Variants in ANKRD26 observed in about 807,000 individuals in gnomAD.
The protein encoded by ANKRD26 is ankyrin repeat domain-containing protein 26.
Under a neutral mutation model 208.7 loss-of-function variants are expected in ANKRD26, and 141 were observed. The observed-to-expected ratio is 0.68, with a 90% CI of 0.59 to 0.78. The LOEUF is 0.78. ANKRD26 is among the 30% of genes least tolerant of loss of function. The probability of loss-of-function intolerance (pLI) is 0.00; values close to 1 mark genes in which losing one functional copy is unlikely to be tolerated. For missense variants in ANKRD26, 1,889 were observed against 1,938.7 expected, an observed-to-expected ratio of 0.97 and a Z score of 0.48; for synonymous variants, 636 against 660.4, an observed-to-expected ratio of 0.96 and a Z score of 0.57.
chr10:27,028,727 T>TA (rs902086199), intron 27 of ANKRD26, 125 bp downstream of exon 27: 344 of 773,742 alleles, frequency 4.4e-4, no homozygotes, highest in Non-Finnish European at 5.3e-4. Context: ...TATTCCAAAA[T>TA]AAAAAAAAAT....
rs557203942 is a variant in ANKRD26 at position 27,043,305 on chromosome 10, G to A, written c.2161+121C>T. 1.3e-4 allele frequency: 142 copies of A among 1,071,080 alleles called. 1 individual carries two copies. In the African/African-American group the frequency reaches 1.9e-3, roughly 14 times the overall value. The allele number at this position is 1,071,080 out of a possible 1,614,324, so 66.3% of individuals were successfully genotyped here. A position where few individuals can be genotyped will look rare whatever the true frequency, so the allele number is the denominator to read the frequency against. ...AAGAACTCTTCAGCTTTGCACAGTG[G>A]CAGCATCATAGCCACCAATGAAGCA... On this transcript the variant is annotated intron_variant, in intron 20 of 33. Coordinates refer to ENST00000376087, the MANE Select transcript of ANKRD26 (RefSeq NM_014915.3).
chr10:27,040,832 C>T (rs1199077254), intron 20 of ANKRD26, among the ~76,000 whole-genome samples: 2 of 151,930 alleles, frequency 1.3e-5, no homozygotes, highest in Admixed American at 1.3e-4. Flanking sequence ...GAGTTCGAGA[C>T]CAGTCTGGCC....
chr10:27,097,278 A>C (rs945638835), intron 1 of ANKRD26, among the ~76,000 whole-genome samples: 1 of 150,652 alleles, frequency 6.6e-6, no homozygotes, highest in Non-Finnish European at 1.5e-5. Context: ...GATCGAGACC[A>C]CCCTGGCTAA....
chr10:27,078,973 A>G lies in ANKRD26; in HGVS notation c.813+116T>C, dbSNP rs1200849499. 7 of 764,608 alleles carry G rather than the reference A, an allele frequency of 9.2e-6. No individual in the cohort carries two copies. In the Admixed American group the frequency reaches 1.7e-4, roughly 18 times the overall value. The allele number at this position is 764,608 out of a possible 1,614,324, so 47.4% of individuals were successfully genotyped here. A position where few individuals can be genotyped will look rare whatever the true frequency, so the allele number is the denominator to read the frequency against. ...TTCTATAAAATGGCTTCCCCTGACC[A>G]CCTTTCCATTACAAACAGAAAACAA... On this transcript the variant is annotated intron_variant, in intron 7 of 33. Coordinates refer to ENST00000376087, the MANE Select transcript of ANKRD26 (RefSeq NM_014915.3).
At chr10:27,028,362 C>T (rs12252613) in intron 27 of ANKRD26, among the ~76,000 whole-genome samples, 14,428 of 151,684 alleles carry the variant, frequency 0.095, 2,217 homozygotes, top group African/African-American at 0.33. Flanking sequence ...TTTGGGAGGC[C>T]GAGGCGGGCG....
intron 4 of ANKRD26, 37 bp from the exon 5 acceptor site, chr10:27,086,646 C>T (rs779672134): frequency 3.8e-6 from 6 of 1,569,744 alleles, no homozygotes; most frequent in Non-Finnish European, 3.5e-6. Context: ...TATGTTAATA[C>T]TGATACAAAA....
Position 27,100,469 on chromosome 10 carries a change from A to C in ANKRD26, c.-143T>G. The C allele has an allele frequency of 7.9e-7, 1 of 1,269,210 alleles. No individual in the cohort carries two copies. The highest frequency in any genetic ancestry group is 1.1e-6 in the Non-Finnish European group (1 of 936,486). 78.6% of individuals were successfully genotyped at this position (1,269,210 alleles called of 1,614,324 possible). A position where few individuals can be genotyped will look rare whatever the true frequency, so the allele number is the denominator to read the frequency against. On this transcript the variant is annotated 5_prime_UTR_variant, in exon 1 of 34. Coordinates refer to ENST00000376087, the MANE Select transcript of ANKRD26 (RefSeq NM_014915.3). ...GGTTTCCAATCTCTCCCTCCGGGTTACCAAGCAAGCGATCCCGCTAGACAC... is the reference window on the plus strand; with the variant it reads ...GGTTTCCAATCTCTCCCTCCGGGTTCCCAAGCAAGCGATCCCGCTAGACAC...
chr10:27,078,596 C>T (rs1425018040), intron 7 of ANKRD26, among the ~76,000 whole-genome samples: 2 of 152,080 alleles, frequency 1.3e-5, no homozygotes, highest in African/African-American at 4.8e-5. Flanking sequence ...TTAGTATTTA[C>T]AACCAGTTTT....
the ANKRD26 span, among the ~76,000 whole-genome samples, chr10:26,960,020 G>A: frequency 6.6e-6 from 1 of 152,092 alleles, no homozygotes; most frequent in Non-Finnish European, 1.5e-5. Flanking sequence ...GAGTTAGCTG[G>A]AAGTGGAAGC....
downstream of ANKRD26, among the ~76,000 whole-genome samples, chr10:26,971,336 T>A (rs1196134658): frequency 6.6e-6 from 1 of 151,486 alleles, no homozygotes; most frequent in African/African-American, 2.4e-5. Flanking sequence ...TGAGCCGAGA[T>A]TGCTCCATTG....
chr10:27,053,887 G>A (rs539129459), intron 15 of ANKRD26, among the ~76,000 whole-genome samples: 1 of 152,270 alleles, frequency 6.6e-6, no homozygotes, highest in East Asian at 1.9e-4. Context: ...TTTTTAACAA[G>A]GCACAAAGAG....
chr10:27,018,411 G>A (rs1416734438), intron 29 of ANKRD26, among the ~76,000 whole-genome samples: 1 of 151,706 alleles, frequency 6.6e-6, no homozygotes, highest in Non-Finnish European at 1.5e-5. Flanking sequence ...TGGGATTACA[G>A]GTGTGAGCCA....
At position 27,035,581 on chromosome 10, in the gene ANKRD26, G is replaced by C. The variant is rs756431624; in HGVS notation, c.2869C>G (p.Gln957Glu). The C allele has an allele frequency of 8.1e-6, 13 of 1,611,962 alleles. 1 individual carries two copies. In the African/African-American group the frequency reaches 1.3e-4, roughly 17 times the overall value. The change falls in exon 24 of 34, where the codon CAG becomes GAG. Residue 957 changes from glutamine to glutamate, a missense_variant. Coordinates refer to ENST00000376087, the MANE Select transcript of ANKRD26 (RefSeq NM_014915.3). ...TCCTCATTCTGTTTTATAGTCTTCT[G>C]AAGGTCTTCATTCTTTTCTTTTACA... Reference protein sequence around the residue: ...KIVKEKNEDLQKTIKQNEETL... With the variant: ...KIVKEKNEDLEKTIKQNEETL...
At chr10:26,998,526 A>G (rs117298992) in intron 4 of ANKRD26, among the ~76,000 whole-genome samples, 2,894 of 152,360 alleles carry the variant, frequency 0.019, 38 homozygotes, top group Non-Finnish European at 0.029. Context: ...TATGTGTACC[A>G]GCTGGTAAAG....
At chr10:26,956,148 G>T in the ANKRD26 span, among the ~76,000 whole-genome samples, 3 of 152,100 alleles carry the variant, frequency 2.0e-5, no homozygotes, top group African/African-American at 7.2e-5. Context: ...AAGAAAATGA[G>T]TTAAATTGTT....
chr10:26,979,810 A>G (rs369443923), intron 5 of ANKRD26, among the ~76,000 whole-genome samples: 1 of 152,164 alleles, frequency 6.6e-6, no homozygotes, highest in East Asian at 1.9e-4. Flanking sequence ...TTGGTCTTTT[A>G]CAATAGTAAC....
intron 6 of ANKRD26, among the ~76,000 whole-genome samples, chr10:27,081,663 T>G (rs2055908515): frequency 6.6e-6 from 1 of 151,998 alleles, no homozygotes; most frequent in Non-Finnish European, 1.5e-5. Flanking sequence ...AATACTTAGC[T>G]GGCAGAAATG....
chr10:26,986,854 T>C (rs1394430442), intron 3 of ANKRD26, among the ~76,000 whole-genome samples: 40 of 152,344 alleles, frequency 2.6e-4, no homozygotes, highest in African/African-American at 1.7e-4. Context: ...AGTTCAACCA[T>C]TGTGGAAGTC....
intron 9 of ANKRD26, among the ~76,000 whole-genome samples, chr10:27,072,872 C>T (rs2055556111): frequency 7.8e-6 from 1 of 127,766 alleles, no homozygotes; most frequent in Non-Finnish European, 1.5e-5. Flanking sequence ...GGAAATCTCA[C>T]AGAGTCTACA....
Sources: allele counts gnomAD v4.1 joint callset (sites outside exome capture counted in the v4.1 genomes callset), GRCh38; gene constraint gnomAD v4.1.1; transcripts MANE v1.5; gene names NCBI Gene and HGNC (gene_info 2026-07-23, HGNC 2026-07-21).